Variants in ZRANB3 observed in about 807,000 individuals in gnomAD.
ZRANB3 encodes the protein DNA annealing helicase and endonuclease ZRANB3.
A neutral mutation model predicts 133.8 loss-of-function variants in ZRANB3; 125 were observed. That is an observed-to-expected ratio of 0.93 (90% CI 0.81 to 1.08). ZRANB3 has a LOEUF of 1.08. Among genes scored for constraint, ZRANB3 ranks in the 50% least tolerant of loss-of-function variants. The pLI is 0.00. For synonymous variants in ZRANB3, 387 were observed against 432.7 expected (o/e 0.89, Z 1.31); for missense variants, 1,229 against 1,275.5 (o/e 0.96, Z 0.56).
intron 2 of ZRANB3, among the ~76,000 whole-genome samples, chr2:135,463,199 AAAT>A (rs1690838099): frequency 6.6e-6 from 1 of 152,126 alleles, no homozygotes; most frequent in Admixed American, 6.5e-5. Context: ...AATTACATAT[AAAT>A]ATATCTCCAG....
intron 2 of ZRANB3, among the ~76,000 whole-genome samples, chr2:135,470,696 C>A (rs1371616982): frequency 6.6e-6 from 1 of 151,738 alleles, no homozygotes; most frequent in East Asian, 1.9e-4. Context: ...CAAAACAAAT[C>A]AAAACAGAAC....
intron 2 of ZRANB3, among the ~76,000 whole-genome samples, chr2:135,450,607 A>G (rs1034434505): frequency 1.3e-5 from 2 of 152,194 alleles, no homozygotes; most frequent in African/African-American, 4.8e-5. Context: ...GACTGGATTT[A>G]ACCCTCTATC....
At chr2:135,283,117 T>C (rs1277236894) in intron 8 of ZRANB3, among the ~76,000 whole-genome samples, 1 of 151,710 alleles carries the variant, frequency 6.6e-6, no homozygotes. Flanking sequence ...GGTGCCTGTA[T>C]CTACAAAAAA....
chr2:135,402,774 C>A (rs1213763358), intron 2 of ZRANB3, among the ~76,000 whole-genome samples: 1 of 151,930 alleles, frequency 6.6e-6, no homozygotes, highest in African/African-American at 2.4e-5. Flanking sequence ...TTTGTAGAGA[C>A]GAGGTTGCAC....
intron 2 of ZRANB3, among the ~76,000 whole-genome samples, chr2:135,397,548 T>TA (rs1687548518): frequency 6.6e-6 from 1 of 152,178 alleles, no homozygotes; most frequent in African/African-American, 2.4e-5. Flanking sequence ...CTATTATAGT[T>TA]AAAGATGGCA....
intron 2 of ZRANB3, among the ~76,000 whole-genome samples, chr2:135,413,616 A>C (rs1688411930): frequency 6.6e-6 from 1 of 152,214 alleles, no homozygotes; most frequent in South Asian, 2.1e-4. Context: ...GAAACTGAGT[A>C]CAGAGATCTA....
At chr2:135,379,921 A>C (rs898574096) in intron 3 of ZRANB3, among the ~76,000 whole-genome samples, 2 of 152,170 alleles carry the variant, frequency 1.3e-5, no homozygotes, top group African/African-American at 2.4e-5. Context: ...GACCCATCTG[A>C]TGTGCAAAGA....
At chr2:135,330,021 C>A (rs1267921218) in intron 6 of ZRANB3, among the ~76,000 whole-genome samples, 1 of 152,186 alleles carries the variant, frequency 6.6e-6, no homozygotes. Flanking sequence ...TTGACTTCCT[C>A]TTTTCCTAAC....
intron 12 of ZRANB3, 58 bp downstream of exon 12, chr2:135,265,476 A>G (rs371718003): frequency 3.4e-6 from 5 of 1,480,616 alleles, no homozygotes; most frequent in South Asian, 1.4e-5. Flanking sequence ...CCATACATAC[A>G]AAGTTATAGT....
chr2:135,456,618 G>A lies in ZRANB3; in HGVS notation c.161+47711C>T, dbSNP rs533166801. Among the ~76,000 whole-genome samples, 76 of 152,164 alleles carry A rather than the reference G, an allele frequency of 5.0e-4. No individual in the cohort carries two copies. The South Asian group carries it at 6.2e-3, about 12-fold the overall frequency. Reference sequence around the variant, plus strand: ...GGGTAAAGTAGTTCTCATTCATCCCGAGAATGCCAGCCATGGGAAGCTGTG... The same window carrying A: ...GGGTAAAGTAGTTCTCATTCATCCCAAGAATGCCAGCCATGGGAAGCTGTG... On this transcript the variant is annotated intron_variant, in intron 2 of 20. Coordinates refer to ENST00000264159, the MANE Select transcript of ZRANB3 (RefSeq NM_032143.4).
chr2:135,528,038 T>C (rs1278517894), intron 1 of ZRANB3, among the ~76,000 whole-genome samples: 2 of 152,204 alleles, frequency 1.3e-5, no homozygotes, highest in African/African-American at 4.8e-5. Context: ...TAATAAAAAT[T>C]TGAAAGGCAA....
chr2:135,406,078 G>C (rs937854299), intron 2 of ZRANB3, among the ~76,000 whole-genome samples: 1 of 152,008 alleles, frequency 6.6e-6, no homozygotes, highest in Non-Finnish European at 1.5e-5. Flanking sequence ...CCGCTAGCAA[G>C]ACTAATAAAG....
chr2:135,483,727 C>T (rs546666378), intron 2 of ZRANB3, among the ~76,000 whole-genome samples: 1 of 152,190 alleles, frequency 6.6e-6, no homozygotes, highest in South Asian at 2.1e-4. Flanking sequence ...TGGATCTTTC[C>T]CGCTTTCTCT....
At chr2:135,415,003 G>A (rs1167307240) in intron 2 of ZRANB3, among the ~76,000 whole-genome samples, 1 of 151,566 alleles carries the variant, frequency 6.6e-6, no homozygotes, top group African/African-American at 2.4e-5. Context: ...GAGAAAGCAG[G>A]AAAGACCCAA....
intron 6 of ZRANB3, among the ~76,000 whole-genome samples, chr2:135,323,027 T>C (rs886594526): frequency 1.4e-4 from 21 of 152,080 alleles, no homozygotes; most frequent in Admixed American, 2.6e-4. Context: ...AAAAATTTTT[T>C]TTTTTTTAGT....
At chr2:135,232,989 T>A (rs1695105503) in intron 12 of ZRANB3, among the ~76,000 whole-genome samples, 2 of 151,952 alleles carry the variant, frequency 1.3e-5, no homozygotes, top group Non-Finnish European at 2.9e-5. Context: ...ACAATCAAAC[T>A]ATTCCGAGCT....
At chr2:135,441,880 G>A (rs945999770) in intron 2 of ZRANB3, among the ~76,000 whole-genome samples, 2 of 152,070 alleles carry the variant, frequency 1.3e-5, no homozygotes, top group Non-Finnish European at 2.9e-5. Flanking sequence ...GAGAAACAGA[G>A]GCATCATCTC....
At chr2:135,512,311 A>C (rs1380096088) in intron 1 of ZRANB3, among the ~76,000 whole-genome samples, 1 of 152,240 alleles carries the variant, frequency 6.6e-6, no homozygotes, top group Non-Finnish European at 1.5e-5. Context: ...TGACTCATTT[A>C]AGTAAATAGT....
chr2:135,244,193 C>T (rs1000758273), intron 12 of ZRANB3, among the ~76,000 whole-genome samples: 5 of 151,848 alleles, frequency 3.3e-5, no homozygotes, highest in Middle Eastern at 3.4e-3. Context: ...GAAGGCTGAA[C>T]GTGGTGGCTC....
Sources: gnomAD v4.1 joint callset for allele counts (sites outside exome capture counted in the v4.1 genomes callset) on GRCh38, gnomAD v4.1.1 for gene constraint, MANE v1.5 for transcripts, NCBI Gene and HGNC (gene_info 2026-07-23, HGNC 2026-07-21) for gene names.